NLGN1: variants seen among roughly 807,000 people sequenced by gnomAD.
NLGN1 encodes neuroligin 1.
NLGN1 carries 12 observed loss-of-function variants against 65.5 expected under a neutral mutation model. The observed-to-expected ratio is 0.18, with a 90% CI of 0.12 to 0.30. NLGN1 has a LOEUF of 0.30. NLGN1 is among the 10% of genes least tolerant of loss of function. The pLI is 1.00. For synonymous variants in NLGN1, 350 were observed against 359.5 expected, an observed-to-expected ratio of 0.97 and a Z score of 0.30; for missense variants, 750 against 1,007.1, an observed-to-expected ratio of 0.74 and a Z score of 3.46.
At chr3:173,589,628 A>C (rs1748106872) in intron 2 of NLGN1, among the ~76,000 whole-genome samples, 1 of 152,200 alleles carries the variant, frequency 6.6e-6, no homozygotes, top group African/African-American at 2.4e-5. Context: ...TTGAAATAGC[A>C]CAGACACTTT....
At chr3:174,173,509 G>T (rs1421496216) in intron 4 of NLGN1, among the ~76,000 whole-genome samples, 2 of 151,950 alleles carry the variant, frequency 1.3e-5, no homozygotes, top group Non-Finnish European at 2.9e-5. Context: ...CCCAATTTTT[G>T]AGGATTTTTT....
At chr3:173,796,447 A>G (rs571879912) in intron 3 of NLGN1, among the ~76,000 whole-genome samples, 1 of 152,286 alleles carries the variant, frequency 6.6e-6, no homozygotes, top group East Asian at 1.9e-4. Context: ...TTGGAATTAA[A>G]TGAGTTCAAA....
chr3:173,472,645 C>T (rs796935940), intron 2 of NLGN1, among the ~76,000 whole-genome samples: 44 of 152,016 alleles, frequency 2.9e-4, no homozygotes, highest in African/African-American at 8.7e-4. Context: ...TTCAATATTT[C>T]TGACTGACAT....
intron 3 of NLGN1, among the ~76,000 whole-genome samples, chr3:173,731,529 A>G (rs116809680): frequency 0.017 from 2,568 of 152,170 alleles, 58 homozygotes; most frequent in African/African-American, 0.057. Context: ...TGAAATAAAT[A>G]TGTGATAAAT....
chr3:174,255,792 G>A (rs1047854955), intron 4 of NLGN1, among the ~76,000 whole-genome samples: 7 of 151,826 alleles, frequency 4.6e-5, no homozygotes, highest in Non-Finnish European at 1.0e-4. Context: ...CTAAGTAGCT[G>A]GAACTACAAT....
At chr3:173,890,649 A>G (rs1292796516) in intron 4 of NLGN1, among the ~76,000 whole-genome samples, 1 of 152,178 alleles carries the variant, frequency 6.6e-6, no homozygotes, top group Non-Finnish European at 1.5e-5. Context: ...ATTTATTATT[A>G]TGAAATAACA....
chr3:173,573,420 A>G (rs574490230), intron 2 of NLGN1, among the ~76,000 whole-genome samples: 1 of 151,794 alleles, frequency 6.6e-6, no homozygotes, highest in South Asian at 2.1e-4. Flanking sequence ...GAGCAAATAC[A>G]TAGTTAAAAA....
intron 1 of NLGN1, among the ~76,000 whole-genome samples, chr3:173,400,341 C>T (rs1242840741): frequency 1.3e-5 from 2 of 152,232 alleles, no homozygotes; most frequent in Admixed American, 1.3e-4. Context: ...AAGTCCACAA[C>T]CCTAATGCCA....
chr3:173,829,644 T>C (rs1722101516), intron 4 of NLGN1, among the ~76,000 whole-genome samples: 1 of 152,130 alleles, frequency 6.6e-6, no homozygotes, highest in African/African-American at 2.4e-5. Context: ...AATACAGTAT[T>C]ATTAATTATA....
chr3:173,608,343 A>G (rs558631901), intron 3 of NLGN1, among the ~76,000 whole-genome samples: 1 of 152,018 alleles, frequency 6.6e-6, no homozygotes, highest in South Asian at 2.1e-4. Flanking sequence ...TCCTTACAAA[A>G]TGGAAAAGAA....
At chr3:173,566,553 C>T (rs547281667) in intron 2 of NLGN1, among the ~76,000 whole-genome samples, 1 of 152,188 alleles carries the variant, frequency 6.6e-6, no homozygotes, top group South Asian at 2.1e-4. Flanking sequence ...CTCTCTGCCC[C>T]ATCTTATTTC....
At chr3:173,818,553 G>T (rs1440942052) in intron 4 of NLGN1, among the ~76,000 whole-genome samples, 1 of 152,092 alleles carries the variant, frequency 6.6e-6, no homozygotes, top group Non-Finnish European at 1.5e-5. Context: ...AACCAACCAG[G>T]CAAAGTTCTC....
chr3:173,419,045 TTTTTTTTTTG>T (rs1714447857), intron 1 of NLGN1, among the ~76,000 whole-genome samples: 1 of 117,360 alleles, frequency 8.5e-6, no homozygotes, highest in African/African-American at 3.1e-5. Context: ...TTTTTTTTTT[TTTTTTTTTTG>T]CTCATCAGCC....
intron 4 of NLGN1, among the ~76,000 whole-genome samples, chr3:174,206,495 C>A (rs13079182): frequency 0.022 from 3,378 of 152,288 alleles, 55 homozygotes; most frequent in Non-Finnish European, 0.032. Flanking sequence ...GACCTCTCAT[C>A]CCTGCTGTCC....
chr3:174,034,881 T>G (rs1249060057), intron 4 of NLGN1, among the ~76,000 whole-genome samples: 2 of 152,122 alleles, frequency 1.3e-5, no homozygotes, highest in African/African-American at 2.4e-5. Flanking sequence ...ATTAAAAGAC[T>G]GACTGTGAGG....
chr3:174,185,494 A>G (rs926711111), intron 4 of NLGN1, among the ~76,000 whole-genome samples: 3 of 152,160 alleles, frequency 2.0e-5, no homozygotes, highest in African/African-American at 7.2e-5. Flanking sequence ...GCTAGTGGCT[A>G]CTGTACTGGA....
At chr3:173,850,296 T>C (rs1726649599) in intron 4 of NLGN1, among the ~76,000 whole-genome samples, 1 of 152,190 alleles carries the variant, frequency 6.6e-6, no homozygotes, top group African/African-American at 2.4e-5. Context: ...ACAGGACATC[T>C]CTTTATGGTA....
Position 173,465,331 on chromosome 3 carries a change from G to T in NLGN1, c.-321+30253G>T, listed in dbSNP as rs543222478. 2.4e-4 allele frequency among the ~76,000 whole-genome samples: 36 copies of T among 152,254 alleles called. No homozygotes were observed. The East Asian group carries it at 6.6e-3, about 28-fold the overall frequency. ...GTTGCTGAGAACTTCTTGGAGGAAG[G>T]AGCTTTGCAGGACAACTGACTCATC... On this transcript the variant is annotated intron_variant, in intron 2 of 6. Transcript: ENST00000457714.
intron 3 of NLGN1, among the ~76,000 whole-genome samples, chr3:173,770,355 A>G (rs1300565853): frequency 6.6e-6 from 1 of 152,226 alleles, no homozygotes; most frequent in East Asian, 1.9e-4. Context: ...ACCTGCACAG[A>G]TAACGTTGGT....
Sources: allele counts gnomAD v4.1 joint callset (sites outside exome capture counted in the v4.1 genomes callset), GRCh38; gene constraint gnomAD v4.1.1; transcripts MANE v1.5; gene names NCBI Gene and HGNC (gene_info 2026-07-23, HGNC 2026-07-21).